C3orf20: variants seen among roughly 807,000 people sequenced by gnomAD.
C3orf20 encodes the protein uncharacterized protein C3orf20.
In C3orf20, 76 loss-of-function variants were observed where a neutral mutation model predicts 88.3. The ratio of observed to expected loss-of-function variants is 0.86; its 90% CI spans 0.72 to 1.04. The LOEUF is 1.04. Among genes scored for constraint, C3orf20 ranks in the 50% least tolerant of loss-of-function variants. C3orf20 has a pLI of 0.00. For synonymous variants in C3orf20, 436 were observed against 437.4 expected, an observed-to-expected ratio of 1.00 and a Z score of 0.04; for missense variants, 1,056 against 1,123.3, an observed-to-expected ratio of 0.94 and a Z score of 0.86.
At chr3:14,702,982 C>T (rs1036538440) in intron 5 of C3orf20, 148 bp from the exon 6 acceptor site, 8 of 919,746 alleles carry the variant, frequency 8.7e-6, no homozygotes, top group Non-Finnish European at 1.3e-5. Flanking sequence ...TTACAGGGCC[C>T]ATGCAAGTCT....
chr3:14,761,566 C>G lies in C3orf20; in HGVS notation c.2446C>G (p.Gln816Glu). The change falls in exon 15 of 17, where the codon CAA becomes GAA. Residue 816 changes from glutamine (Q) to glutamate (E), a missense_variant. Gln to Glu is a conservative substitution (Grantham distance 29). Transcript: ENST00000253697. ...QNLLKQIFRS[Q>E]QDYKMGYFLP... ...TCTGCTGAAACAGATCTTCCGGTCT[C>G]AACAGGATTACAAGATGGGCTACTT... 6.2e-7 allele frequency: 1 copy of G among 1,614,028 alleles called. No individual in the cohort carries two copies. The highest frequency in any genetic ancestry group is 8.5e-7 in the Non-Finnish European group (1 of 1,179,994).
Position 14,704,413 on chromosome 3 carries a change from C to A in C3orf20, c.955C>A (p.Pro319Thr). The A allele has an allele frequency of 6.2e-7, 1 of 1,614,076 alleles. No individual in the cohort carries two copies. The highest frequency in any genetic ancestry group is 8.5e-7 in the Non-Finnish European group (1 of 1,180,000). The change falls in exon 7 of 17, where the codon CCC becomes ACC. Residue 319 changes from proline (P) to threonine (T), a missense_variant. Coordinates refer to ENST00000253697, the MANE Select transcript of C3orf20 (RefSeq NM_032137.5). Reference sequence around the variant, plus strand: ...CTTACGAAACTACAAGGCAAAGATGCCCTCTCATCTAATGTTGGCCCGCAA... The same window carrying A: ...CTTACGAAACTACAAGGCAAAGATGACCTCTCATCTAATGTTGGCCCGCAA... ...MILRNYKAKM[P>T]SHLMLARKGD...
chr3:14,754,615 G>A (rs535128370), intron 12 of C3orf20, among the ~76,000 whole-genome samples: 2 of 152,306 alleles, frequency 1.3e-5, no homozygotes, highest in Non-Finnish European at 2.9e-5. Flanking sequence ...GTGTTTGCCA[G>A]CTTCATTGTT....
At chr3:14,735,627 T>A (rs910976620) in intron 12 of C3orf20, among the ~76,000 whole-genome samples, 3 of 151,944 alleles carry the variant, frequency 2.0e-5, no homozygotes, top group African/African-American at 7.3e-5. Flanking sequence ...GAAGTCTCTC[T>A]CTGTCACCCA....
chr3:14,732,817 C>G lies in C3orf20; in HGVS notation c.1940+4129C>G, dbSNP rs550014791. 5.3e-5 allele frequency among the ~76,000 whole-genome samples: 8 copies of G among 151,838 alleles called. No homozygotes were observed. The East Asian group carries it at 1.5e-3, about 29-fold the overall frequency. On this transcript the variant is annotated intron_variant, in intron 12 of 16. Coordinates refer to ENST00000253697, the MANE Select transcript of C3orf20 (RefSeq NM_032137.5). ...TTTCTGCTATGTTTTCTTCTAAAAGCTTATTATAGTTTATGTTTTATATTT... is the reference window on the plus strand; with the variant it reads ...TTTCTGCTATGTTTTCTTCTAAAAGGTTATTATAGTTTATGTTTTATATTT...
In C3orf20 at chr3:14,744,785, G is replaced by A. The variant is rs369339618; in HGVS notation, c.1941-12586G>A. 5.2e-3 allele frequency among the ~76,000 whole-genome samples: 790 copies of A among 151,562 alleles called. 1 individual carries two copies. Among genetic ancestry groups the A allele is most frequent in the African/African-American group, 0.018 (748 of 40,858 alleles). ...TCAGATCTCATGAGATTTATTCACTGTCACGAGAATAGCATGGGAAAGACC... is the reference window on the plus strand; with the variant it reads ...TCAGATCTCATGAGATTTATTCACTATCACGAGAATAGCATGGGAAAGACC... On this transcript the variant is annotated intron_variant, in intron 12 of 16. Transcript: ENST00000253697.
rs185064604 is a variant in C3orf20 at position 14,682,993 on chromosome 3, C to A, written c.280C>A (p.Pro94Thr). The A allele has an allele frequency of 1.2e-6, 2 of 1,613,660 alleles. No homozygotes were observed. The highest frequency in any genetic ancestry group is 2.2e-5 in the East Asian group (1 of 44,868). Reference protein sequence around the residue: ...TFVQVPTLKKPLPPPPPAPPR... With the variant: ...TFVQVPTLKKTLPPPPPAPPR... ...TGTGCAGGTCCCCACACTGAAGAAG[C>A]CACTACCTCCACCACCACCAGCACC... The change falls in exon 3 of 17, where the codon CCA becomes ACA. Residue 94 changes from proline (P) to threonine (T), a missense_variant. Transcript: ENST00000253697.
intron 5 of C3orf20, among the ~76,000 whole-genome samples, chr3:14,690,560 A>C (rs2032677306): frequency 6.6e-6 from 1 of 152,206 alleles, no homozygotes; most frequent in South Asian, 2.1e-4. Context: ...AAATTGGGCA[A>C]GTTTTTATGG....
rs556886432 is a variant in C3orf20, at chr3:14,757,306, G to A, written c.1941-65G>A. ...GCCTTTGACCAGCAGGAGCCAGGGG[G>A]CTCTGGGAACCACAGACCTTCACCA... is the stretch of plus-strand genomic sequence containing the variant. On this transcript the variant is annotated intron_variant, in intron 12 of 16. Coordinates refer to ENST00000253697, the MANE Select transcript of C3orf20 (RefSeq NM_032137.5). 8.6e-6 allele frequency: 12 copies of A among 1,402,432 alleles called. No individual in the cohort carries two copies. The Admixed American group carries it at 8.6e-5, about 10-fold the overall frequency. 86.9% of individuals were successfully genotyped at this position (1,402,432 alleles called of 1,614,324 possible).
intron 8 of C3orf20, among the ~76,000 whole-genome samples, chr3:14,714,607 T>G (rs2033874585): frequency 6.6e-6 from 1 of 152,078 alleles, no homozygotes; most frequent in South Asian, 2.1e-4. Flanking sequence ...TTGTTTTTGT[T>G]TTTGTTTTGA....
At chr3:14,755,846 G>A (rs1046052238) in intron 12 of C3orf20, among the ~76,000 whole-genome samples, 1 of 151,866 alleles carries the variant, frequency 6.6e-6, no homozygotes, top group Non-Finnish European at 1.5e-5. Context: ...TGGCTAACAC[G>A]GTGAAACCCC....
chr3:14,770,694 C>A (rs1299937748), intron 15 of C3orf20, among the ~76,000 whole-genome samples: 2 of 152,120 alleles, frequency 1.3e-5, no homozygotes, highest in Non-Finnish European at 2.9e-5. Flanking sequence ...TCCTCAGGGC[C>A]GGACGCATAG....
intron 12 of C3orf20, among the ~76,000 whole-genome samples, chr3:14,747,401 G>A (rs772005725): frequency 3.4e-4 from 51 of 152,156 alleles, no homozygotes; most frequent in Non-Finnish European, 5.1e-4. Flanking sequence ...CCCATTAAGC[G>A]TAAACCTTGT....
chr3:14,695,957 T>C (rs1406538218), intron 5 of C3orf20, among the ~76,000 whole-genome samples: 1 of 152,042 alleles, frequency 6.6e-6, no homozygotes, highest in Admixed American at 6.6e-5. Context: ...GATTGGAGAG[T>C]TTAGTCCATT....
chr3:14,762,257 T>G (rs1194682834), intron 15 of C3orf20, among the ~76,000 whole-genome samples: 8 of 152,210 alleles, frequency 5.3e-5, no homozygotes, highest in Non-Finnish European at 5.9e-5. Flanking sequence ...AATGCTGGCT[T>G]AAGTCTGCCT....
At position 14,757,596 on chromosome 3, in the gene C3orf20, C is replaced by T. The variant is rs1015270660; in HGVS notation, c.2166C>T (p.Thr722=). 3 of 1,613,936 alleles carry T rather than the reference C, an allele frequency of 1.9e-6. No homozygotes were observed. The African/African-American group carries it at 4.0e-5, about 22-fold the overall frequency. The change falls in exon 13 of 17, where the codon ACC becomes ACT. Residue 722 remains threonine, a synonymous_variant. Coordinates refer to ENST00000253697, the MANE Select transcript of C3orf20 (RefSeq NM_032137.5). ...GGATCATCTCAAGCCAGAACTACAC[C>T]AGCACTGGGCAGCTCCAGTGGCTGC... is the stretch of plus-strand genomic sequence containing the variant. ...VFGIISSQNY[T]STGQLQWLLN...
intron 12 of C3orf20, among the ~76,000 whole-genome samples, chr3:14,740,924 A>G (rs539649560): frequency 3.3e-5 from 5 of 152,176 alleles, no homozygotes; most frequent in Non-Finnish European, 5.9e-5. Context: ...AATCATAGCT[A>G]CTATAAAGCT....
rs60474912 is a variant in C3orf20, at chr3:14,707,820, C to CTTT, written c.1160+3216_1160+3218dup. Among the ~76,000 whole-genome samples the CTTT allele has an allele frequency of 1.6e-4, 19 of 122,116 alleles. 4 individuals carry two copies. Among genetic ancestry groups the CTTT allele is most frequent in the South Asian group, 1.0e-3 (4 of 3,990 alleles). 80.1% of individuals were successfully genotyped at this position (122,116 alleles called of 152,430 possible). A position where few individuals can be genotyped will look rare whatever the true frequency, so the allele number is the denominator to read the frequency against. On this transcript the variant is annotated intron_variant, in intron 7 of 16. Coordinates refer to ENST00000253697, the MANE Select transcript of C3orf20 (RefSeq NM_032137.5). ...ATAACATTTACCCCTGTGTTTTCCT[C>CTTT]TTTTTTTTTTTTTTTTGAGACAGAG... is the stretch of plus-strand genomic sequence containing the variant.
At chr3:14,747,874 G>C (rs1010476026) in intron 12 of C3orf20, among the ~76,000 whole-genome samples, 4 of 151,774 alleles carry the variant, frequency 2.6e-5, no homozygotes, top group Non-Finnish European at 4.4e-5. Context: ...TTTTTAATAT[G>C]ACATCTTAGT....
Sources: allele counts gnomAD v4.1 joint callset (sites outside exome capture counted in the v4.1 genomes callset), GRCh38; gene constraint gnomAD v4.1.1; transcripts MANE v1.5; gene names NCBI Gene and HGNC (gene_info 2026-07-23, HGNC 2026-07-21).